The following FGD2 variants were observed in gnomAD, a reference collection of about 807,000 sequenced individuals.
FGD2 encodes FYVE, RhoGEF and PH domain-containing protein 2.
In FGD2, 52 loss-of-function variants were observed where a neutral mutation model predicts 75.9. The ratio of observed to expected loss-of-function variants is 0.69; its 90% CI spans 0.55 to 0.86. The LOEUF (loss-of-function observed/expected upper bound fraction) is 0.86, where lower values mean the gene tolerates loss of function less well. Ranked by LOEUF, FGD2 falls within the 40% of genes least tolerant of loss-of-function variation. FGD2 has a pLI of 0.00. For missense variants in FGD2, 790 were observed against 872.0 expected, an observed-to-expected ratio of 0.91 and a Z score of 1.18; for synonymous variants, 347 against 348.6, an observed-to-expected ratio of 1.00 and a Z score of 0.05.
In FGD2 at chr6:37,013,993, A is replaced by C. The variant is rs1361495201; in HGVS notation, c.716A>C (p.Gln239Pro). ...SSEASGSLTLQHHMLEPVQRI... is the reference protein window; with the variant it reads ...SSEASGSLTLPHHMLEPVQRI... ...GAGGCTTCGGGCAGCCTGACCCTGC[A>C]GCACCACATGCTGGAACCAGTGCAG... is the stretch of plus-strand genomic sequence containing the variant. Residue 239 changes from glutamine to proline, a missense_variant, in exon 6 of 16, where the codon CAG (glutamine) becomes CCG (proline). By Grantham distance (76) the Gln-to-Pro change is moderately conservative. Coordinates refer to ENST00000274963, the MANE Select transcript of FGD2 (RefSeq NM_173558.4). 6.2e-7 allele frequency: 1 copy of C among 1,614,026 alleles called. No homozygotes were observed. Among genetic ancestry groups the C allele is most frequent in the Non-Finnish European group, 8.5e-7 (1 of 1,179,952 alleles).
At chr6:37,008,810 C>T (rs1764869027) in intron 1 of FGD2, 24 bp from the exon 2 acceptor site, 1 of 1,534,832 alleles carries the variant, frequency 6.5e-7, no homozygotes, top group African/African-American at 1.4e-5. Context: ...GGAGGAAGCC[C>T]TCAGGTCTGT....
chr6:37,015,833 G>C lies in FGD2; in HGVS notation c.1095G>C (p.Arg365Ser), dbSNP rs1177382519. 9 of 1,590,716 alleles carry C rather than the reference G, an allele frequency of 5.7e-6. No individual in the cohort carries two copies. Among genetic ancestry groups the C allele is most frequent in the Non-Finnish European group, 6.8e-6 (8 of 1,169,382 alleles). ...VIQVGAQFQV[R>S]TRIDVAGMKV... ...AGGTGGGCGCCCAGTTCCAGGTGAG[G>C]ACCCGCATCGATGTGGCCGGGATGA... The change falls in exon 9 of 16, where the codon AGG (arginine) becomes AGC (serine). Residue 365 changes from arginine (R) to serine (S), a missense_variant. By Grantham distance (110) the Arg-to-Ser change is moderately radical. Coordinates refer to ENST00000274963, the MANE Select transcript of FGD2 (RefSeq NM_173558.4).
At chr6:37,015,403 G>T (rs768754932) in intron 8 of FGD2, among the ~76,000 whole-genome samples, 1 of 152,316 alleles carries the variant, frequency 6.6e-6, no homozygotes, top group East Asian at 1.9e-4. Context: ...AGAAGCCGGG[G>T]GATCTCCTGA....
intron 9 of FGD2, among the ~76,000 whole-genome samples, chr6:37,019,874 A>ATTTTTT (rs1765491110): frequency 1.4e-5 from 2 of 140,996 alleles, no homozygotes. Flanking sequence ...TTTTTTTGAG[A>ATTTTTT]CAGAGTCTCC....
chr6:37,015,157 T>C (rs1010668355), intron 8 of FGD2, 119 bp downstream of exon 8: 3 of 1,352,900 alleles, frequency 2.2e-6, no homozygotes, highest in Non-Finnish European at 2.9e-6. Context: ...AAGAGAACGC[T>C]TCTCTGTCTT....
chr6:37,014,915 G>C lies in FGD2; in HGVS notation c.906G>C (p.Glu302Asp), dbSNP rs753745690. The C allele has an allele frequency of 6.2e-7, 1 of 1,614,086 alleles. No homozygotes were observed. The highest frequency in any genetic ancestry group is 2.2e-5 in the East Asian group (1 of 44,882). The change falls in exon 8 of 16, where the codon GAG becomes GAC. Residue 302 changes from glutamate to aspartate, a missense_variant. Physicochemically the swap from Glu to Asp is conservative, Grantham distance 45. Transcript: ENST00000274963. ...TEMERLQDLW[E>D]VYQRLGLEDD... The stretch of plus-strand genomic sequence containing the variant: ...AGGAGCGGCTGCAGGACCTGTGGGA[G>C]GTGTACCAGCGCCTGGGCCTCGAGG...
rs1021759344 is a variant in FGD2 at position 37,005,672 on chromosome 6, C to T, written c.-146C>T. ...CTTTCTTCACTCTGAAGCCAAGAGC[C>T]GACCTTCTGAGCCCTCAAGAAAGAT... On this transcript the variant is annotated 5_prime_UTR_variant, in exon 1 of 16. Transcript: ENST00000274963. 42 of 835,468 alleles carry T rather than the reference C, an allele frequency of 5.0e-5. No homozygotes were observed. Among genetic ancestry groups the T allele is most frequent in the Non-Finnish European group, 7.7e-5 (40 of 518,242 alleles). The allele number at this position is 835,468 out of a possible 1,614,324, so 51.8% of individuals were successfully genotyped here.
In FGD2 at chr6:37,015,017, C is replaced by A. The variant is rs1476811282; in HGVS notation, c.1008C>A (p.Pro336=). ...VLKISFRRND[P]MERYLFLFNN... ...AGATCTCCTTCCGCCGCAACGACCC[C>A]ATGGAGCGCTACCTTTTCTTGGTAA... The change falls in exon 8 of 16, where the codon CCC becomes CCA. Residue 336 remains proline (P), a synonymous_variant. Coordinates refer to ENST00000274963, the MANE Select transcript of FGD2 (RefSeq NM_173558.4). 6.2e-7 allele frequency: 1 copy of A among 1,614,008 alleles called. No individual in the cohort carries two copies. The highest frequency in any genetic ancestry group is 1.1e-5 in the South Asian group (1 of 91,074).
At chr6:37,010,437 G>T (rs1764950802) in intron 2 of FGD2, among the ~76,000 whole-genome samples, 1 of 152,158 alleles carries the variant, frequency 6.6e-6, no homozygotes, top group African/African-American at 2.4e-5. Flanking sequence ...CACTTACATT[G>T]GGGGTTAGGG....
In FGD2 at chr6:37,015,754, T is replaced by G. The variant is rs200600367; in HGVS notation, c.1030-14T>G. 1.3e-6 allele frequency: 2 copies of G among 1,574,014 alleles called. No homozygotes were observed. Among genetic ancestry groups the G allele is most frequent in the African/African-American group, 2.7e-5 (2 of 74,576 alleles). On this transcript the variant is annotated splice_polypyrimidine_tract_variant and intron_variant, in intron 8 of 15. Coordinates refer to ENST00000274963, the MANE Select transcript of FGD2 (RefSeq NM_173558.4). ...GCCCCTGCCACGGGCCACTCACGCCTGTGTCTCCTGCAGTTCAACAACATG... is the reference window on the plus strand; with the variant it reads ...GCCCCTGCCACGGGCCACTCACGCCGGTGTCTCCTGCAGTTCAACAACATG...
Position 37,013,708 on chromosome 6 carries a change from G to A in FGD2, c.627G>A (p.Leu209=). Residue 209 remains leucine, a synonymous_variant, in exon 5 of 16, where the codon CTG becomes CTA. Transcript: ENST00000274963. ...AGAACTTTGAGCGAGCGGCTGAGCT[G>A]CTGGCCACCTGGACCGACAAGTCTC... ...YVKNFERAAE[L]LATWTDKSPL... The A allele has an allele frequency of 3.1e-6, 5 of 1,614,100 alleles. No individual in the cohort carries two copies. The highest frequency in any genetic ancestry group is 4.2e-6 in the Non-Finnish European group (5 of 1,179,982).
intron 12 of FGD2, chr6:37,021,955 T>C: frequency 2.0e-6 from 1 of 506,982 alleles, no homozygotes; most frequent in Non-Finnish European, 3.5e-6. Flanking sequence ...GGAGGATATC[T>C]GTGGTTTGAG....
intron 13 of FGD2, chr6:37,022,872 G>A (rs534261659): frequency 8.3e-5 from 13 of 156,960 alleles, no homozygotes; most frequent in Admixed American, 1.3e-4. Flanking sequence ...ACCTCATCTG[G>A]CCCTCACAGC....
At position 37,027,944 on chromosome 6, in the gene FGD2, C is replaced by T. The variant is rs773024828; in HGVS notation, c.1753-4C>T. The T allele has an allele frequency of 1.1e-5, 17 of 1,613,608 alleles. No homozygotes were observed. The Admixed American group carries it at 2.7e-4, about 25-fold the overall frequency. On this transcript the variant is annotated splice_region_variant and splice_polypyrimidine_tract_variant and intron_variant, in intron 15 of 15. Coordinates refer to ENST00000274963, the MANE Select transcript of FGD2 (RefSeq NM_173558.4). The stretch of plus-strand genomic sequence containing the variant: ...AGTGGCCCACTGCTCTCTCCTCCCC[C>T]CAGGACATGAGGGCTCACACCTCCA...
intron 1 of FGD2, among the ~76,000 whole-genome samples, chr6:37,006,820 G>A (rs932748610): frequency 2.6e-5 from 4 of 152,140 alleles, no homozygotes; most frequent in African/African-American, 9.7e-5. Flanking sequence ...GGCCGGGCAG[G>A]GGGAGATGCT....
intron 4 of FGD2, chr6:37,012,150 C>T (rs1005648260): frequency 1.6e-4 from 51 of 316,080 alleles, no homozygotes; most frequent in Non-Finnish European, 2.1e-4. Flanking sequence ...GCTTCCTACA[C>T]GCCTGGCCTT....
intron 9 of FGD2, among the ~76,000 whole-genome samples, chr6:37,017,148 C>T (rs1017165777): frequency 2.0e-5 from 3 of 151,942 alleles, no homozygotes; most frequent in African/African-American, 2.4e-5. Flanking sequence ...ACTGAGGTGT[C>T]CCTGTACTTG....
intron 2 of FGD2, chr6:37,009,967 T>C (rs1316961847): frequency 6.7e-6 from 1 of 150,252 alleles, no homozygotes; most frequent in East Asian, 1.9e-4. Context: ...TGAGCCGAGA[T>C]TGCGCCACTC....
intron 9 of FGD2, among the ~76,000 whole-genome samples, chr6:37,016,476 G>A (rs1006938186): frequency 1.3e-5 from 2 of 151,936 alleles, no homozygotes; most frequent in African/African-American, 2.4e-5. Context: ...GAGCCCATGG[G>A]GGGACCACAA....
Sources: gnomAD v4.1 joint callset for allele counts (sites outside exome capture counted in the v4.1 genomes callset) on GRCh38, gnomAD v4.1.1 for gene constraint, MANE v1.5 for transcripts, NCBI Gene and HGNC (gene_info 2026-07-23, HGNC 2026-07-21) for gene names.